Variants in NCKAP1 observed in about 807,000 individuals in gnomAD.
The protein encoded by NCKAP1 is NCK associated protein 1, also known as nck-associated protein 1.
A neutral mutation model predicts 151.2 loss-of-function variants in NCKAP1; 21 were observed. The observed-to-expected ratio is 0.14, with a 90% CI of 0.10 to 0.20. NCKAP1 has a LOEUF of 0.20. NCKAP1 is among the 10% of genes least tolerant of loss of function. NCKAP1 has a pLI of 1.00. For synonymous variants in NCKAP1, 484 were observed against 451.8 expected (o/e 1.07, Z -0.90); for missense variants, 933 against 1,352.1 (o/e 0.69, Z 4.86).
intron 16 of NCKAP1, among the ~76,000 whole-genome samples, chr2:182,965,201 G>C (rs1231546098): frequency 6.6e-6 from 1 of 151,532 alleles, no homozygotes; most frequent in African/African-American, 2.4e-5. Flanking sequence ...GACCAGCCTG[G>C]GCAATGTGGT....
At chr2:182,935,514 A>G in intron 24 of NCKAP1, 139 bp from the exon 25 acceptor site, 1 of 529,930 alleles carries the variant, frequency 1.9e-6, no homozygotes, top group Non-Finnish European at 3.2e-6. Flanking sequence ...ATTTGATTAC[A>G]ATAATGATTA....
chr2:183,028,939 C>A (rs1392435768), intron 1 of NCKAP1, among the ~76,000 whole-genome samples: 1 of 129,324 alleles, frequency 7.7e-6, no homozygotes, highest in African/African-American at 3.0e-5. Context: ...CGGTGAAACC[C>A]CGTTTCTACT....
chr2:183,030,479 A>C (rs1171121005), intron 1 of NCKAP1, among the ~76,000 whole-genome samples: 2 of 152,250 alleles, frequency 1.3e-5, no homozygotes, highest in African/African-American at 4.8e-5. Context: ...GAATTAACTG[A>C]AAAAATATGA....
chr2:182,999,524 G>A (rs1238580355), intron 6 of NCKAP1, among the ~76,000 whole-genome samples: 1 of 152,164 alleles, frequency 6.6e-6, no homozygotes, highest in East Asian at 1.9e-4. Flanking sequence ...GGCTACTGGA[G>A]AAAAGGAAAT....
At chr2:183,019,669 A>G (rs985968583) in intron 2 of NCKAP1, among the ~76,000 whole-genome samples, 2 of 152,234 alleles carry the variant, frequency 1.3e-5, no homozygotes, top group African/African-American at 4.8e-5. Context: ...GAGGAACTCT[A>G]TTAATACACA....
At chr2:182,996,323 A>G (rs547084054) in intron 6 of NCKAP1, among the ~76,000 whole-genome samples, 4 of 150,678 alleles carry the variant, frequency 2.7e-5, no homozygotes, top group African/African-American at 5.0e-5. Context: ...AAATTACTTA[A>G]CTTCTCTTTA....
chr2:182,984,423 G>GTGTGTGTGTGTGTGTGT (rs1553515251), intron 10 of NCKAP1, among the ~76,000 whole-genome samples: 7 of 144,282 alleles, frequency 4.9e-5, no homozygotes, highest in Admixed American at 1.4e-4. Context: ...TTTAGATTGG[G>GTGTGTGTGTGTGTGTGT]GTGTGTGTGT....
intron 26 of NCKAP1, among the ~76,000 whole-genome samples, chr2:182,933,267 A>G (rs72886541): frequency 0.026 from 4,033 of 152,318 alleles, 80 homozygotes; most frequent in Non-Finnish European, 0.04. Context: ...TGAGAATGCA[A>G]CAGAAAGATC....
At chr2:182,941,548 A>G (rs1696994964) in intron 24 of NCKAP1, among the ~76,000 whole-genome samples, 1 of 152,234 alleles carries the variant, frequency 6.6e-6, no homozygotes, top group African/African-American at 2.4e-5. Flanking sequence ...CTGGGGCCAG[A>G]GACTGGGGTA....
intron 13 of NCKAP1, among the ~76,000 whole-genome samples, chr2:182,980,197 T>C (rs1246462848): frequency 6.6e-5 from 10 of 152,072 alleles, no homozygotes. Context: ...TTCTGTTCCC[T>C]TTTTAAATGA....
intron 15 of NCKAP1, among the ~76,000 whole-genome samples, chr2:182,970,165 T>C (rs977246397): frequency 3.3e-5 from 5 of 152,194 alleles, no homozygotes; most frequent in African/African-American, 1.2e-4. Context: ...GTTTCACTGC[T>C]GAATTCCAGC....
intron 1 of NCKAP1, 38 bp from the exon 2 acceptor site, chr2:183,023,954 CCTT>C (rs1349164131): frequency 2.9e-6 from 4 of 1,369,516 alleles, no homozygotes; most frequent in Non-Finnish European, 4.1e-6. Flanking sequence ...TGAAATGCAC[CCTT>C]CTTCTAAAAT....
chr2:182,958,821 GAGCTTC>G (rs1431160841), intron 18 of NCKAP1, among the ~76,000 whole-genome samples: 1 of 152,176 alleles, frequency 6.6e-6, no homozygotes, highest in Non-Finnish European at 1.5e-5. Flanking sequence ...GGTAGAAGGA[GAGCTTC>G]ACTGTACATT....
intron 15 of NCKAP1, among the ~76,000 whole-genome samples, chr2:182,973,672 G>A (rs368366993): frequency 6.6e-6 from 1 of 152,036 alleles, no homozygotes; most frequent in East Asian, 1.9e-4. Flanking sequence ...ACCACTCTCT[G>A]GCCATGTGCT....
Position 182,911,750 on chromosome 2 carries a change from A to AG in NCKAP1, c.*13951_*13952insC, listed in dbSNP as rs1696399667. ...TGTTGATGGGAATTATTAAAAAAAA[A>AG]CAAAACAAACAGAACCGCTTTTGGA... On this transcript the variant is annotated 3_prime_UTR_variant, in exon 31 of 31. Coordinates refer to ENST00000361354, the MANE Select transcript of NCKAP1 (RefSeq NM_013436.5). 6.6e-6 allele frequency: 1 copy of AG among 151,816 alleles called. No homozygotes were observed. Among genetic ancestry groups the AG allele is most frequent in the Non-Finnish European group, 1.5e-5 (1 of 68,030 alleles). The allele number at this position is 151,816 out of a possible 1,614,324, so 9.4% of individuals were successfully genotyped here.
At chr2:182,979,397 C>A (rs892603018) in intron 13 of NCKAP1, among the ~76,000 whole-genome samples, 2 of 151,906 alleles carry the variant, frequency 1.3e-5, no homozygotes, top group East Asian at 1.9e-4. Context: ...GTATGTTAGG[C>A]CTCAACAAAA....
chr2:183,019,943 T>C (rs888745233), intron 2 of NCKAP1, among the ~76,000 whole-genome samples: 2 of 152,098 alleles, frequency 1.3e-5, no homozygotes, highest in African/African-American at 2.4e-5. Context: ...GTAGAAGTCA[T>C]GTTGTGTACC....
At chr2:182,935,050 T>G (rs1696845165) in intron 25 of NCKAP1, among the ~76,000 whole-genome samples, 1 of 152,146 alleles carries the variant, frequency 6.6e-6, no homozygotes, top group Admixed American at 6.5e-5. Flanking sequence ...AATACTCTAC[T>G]GATAATGAAG....
In NCKAP1 at chr2:182,995,692, G is replaced by C. The variant is rs771049222; in HGVS notation, c.741+9C>G. ...TATTTTCATTCAAAAGAGAAAAATA[G>C]AACCATACAGTGTCGGACTGTGCTG... On this transcript the variant is annotated intron_variant, in intron 7 of 30. Transcript: ENST00000361354. 1 of 1,604,244 alleles carries C rather than the reference G, an allele frequency of 6.2e-7. No homozygotes were observed. Among genetic ancestry groups the C allele is most frequent in the South Asian group, 1.1e-5 (1 of 88,726 alleles).
Sources: gnomAD v4.1 joint callset for allele counts (sites outside exome capture counted in the v4.1 genomes callset) on GRCh38, gnomAD v4.1.1 for gene constraint, MANE v1.5 for transcripts, NCBI Gene and HGNC (gene_info 2026-07-23, HGNC 2026-07-21) for gene names.